The following MAPK8 variants were observed in gnomAD, a reference collection of about 807,000 sequenced individuals.
The protein encoded by MAPK8 is JUN N-terminal kinase.
Under a neutral mutation model 52.9 loss-of-function variants are expected in MAPK8, and 13 were observed. The ratio of observed to expected loss-of-function variants is 0.25; its 90% CI spans 0.16 to 0.39. The LOEUF (loss-of-function observed/expected upper bound fraction) is 0.39, where lower values mean the gene tolerates loss of function less well. MAPK8 is among the 10% of genes least tolerant of loss of function. The pLI, the probability that MAPK8 is intolerant of heterozygous loss-of-function variation, is 1.00. For synonymous variants in MAPK8, 191 were observed against 169.8 expected (o/e 1.12, Z -0.97); for missense variants, 300 against 519.2 (o/e 0.58, Z 4.10).
chr10:48,322,407 T>C (rs1843088299), intron 1 of MAPK8, among the ~76,000 whole-genome samples: 1 of 152,198 alleles, frequency 6.6e-6, no homozygotes, highest in African/African-American at 2.4e-5. Context: ...AATTTAAGGT[T>C]TGGGAATGAT....
At chr10:48,409,206 T>G (rs1454943383) in intron 3 of MAPK8, among the ~76,000 whole-genome samples, 3 of 152,132 alleles carry the variant, frequency 2.0e-5, no homozygotes, top group Non-Finnish European at 4.4e-5. Context: ...AAAAAGAGAT[T>G]GAAGGTCAGA....
At position 48,435,210 on chromosome 10, in the gene MAPK8, G is replaced by GT; in HGVS notation, c.*184dup. 1 of 474,396 alleles carries GT rather than the reference G, an allele frequency of 2.1e-6. No individual in the cohort carries two copies. Among genetic ancestry groups the GT allele is most frequent in the African/African-American group, 2.0e-5 (1 of 50,282 alleles). 29.4% of individuals were successfully genotyped at this position (474,396 alleles called of 1,614,324 possible). A position where few individuals can be genotyped will look rare whatever the true frequency, so the allele number is the denominator to read the frequency against. ...TGATGTAATTTAAAACCTAAGTTGT[G>GT]TTTCAAAACAGCAACAAAACTGTAT... is the stretch of plus-strand genomic sequence containing the variant. On this transcript the variant is annotated 3_prime_UTR_variant, in exon 12 of 12. Coordinates refer to ENST00000374189, the MANE Select transcript of MAPK8 (RefSeq NM_001323329.2).
chr10:48,434,847 C>T, intron 11 of MAPK8, 37 bp from the exon 12 acceptor site: 1 of 1,574,704 alleles, frequency 6.4e-7, no homozygotes, highest in Non-Finnish European at 8.6e-7. Flanking sequence ...CTGCAGCTGT[C>T]TGCAACTGAT....
intron 5 of MAPK8, among the ~76,000 whole-genome samples, chr10:48,415,757 T>G (rs1270371660): frequency 6.6e-6 from 1 of 152,188 alleles, no homozygotes; most frequent in Non-Finnish European, 1.5e-5. Flanking sequence ...CCAATTAGGA[T>G]ACACAATTAT....
intron 1 of MAPK8, among the ~76,000 whole-genome samples, chr10:48,316,500 C>T (rs2132110123): frequency 6.6e-6 from 1 of 152,318 alleles, no homozygotes; most frequent in East Asian, 1.9e-4. Flanking sequence ...ATGTGCTTAG[C>T]ACCCAGAGGC....
At position 48,420,269 on chromosome 10, in the gene MAPK8, C is replaced by G; in HGVS notation, c.565C>G (p.Arg189Gly). 6.2e-7 allele frequency: 1 copy of G among 1,613,654 alleles called. No individual in the cohort carries two copies. The highest frequency in any genetic ancestry group is 2.2e-5 in the East Asian group (1 of 44,886). Residue 189 changes from arginine to glycine, a missense_variant, in exon 6 of 12, where the codon CGC becomes GGC. This residue lies in a region of MAPK8 where 147 missense variants were observed against 328.1 expected (regional missense o/e 0.45). Transcript: ENST00000374189. ...SFMMTPYVVT[R>G]YYRAPEVILG... ...TATGATGACGCCTTATGTAGTGACT[C>G]GCTACTACAGAGCACCCGAGGTCAT...
At chr10:48,345,000 T>TA (rs1564509309) in intron 1 of MAPK8, among the ~76,000 whole-genome samples, 1 of 152,104 alleles carries the variant, frequency 6.6e-6, no homozygotes, top group Non-Finnish European at 1.5e-5. Context: ...AAAAGTTTTT[T>TA]AAAAAAATCC....
At chr10:48,324,409 A>G (rs1317002832) in intron 1 of MAPK8, among the ~76,000 whole-genome samples, 1 of 151,912 alleles carries the variant, frequency 6.6e-6, no homozygotes, top group Non-Finnish European at 1.5e-5. Flanking sequence ...GTCAACTTGT[A>G]ACTGCTTTTT....
chr10:48,433,093 T>G (rs2044480136), intron 11 of MAPK8, among the ~76,000 whole-genome samples: 1 of 152,196 alleles, frequency 6.6e-6, no homozygotes, highest in African/African-American at 2.4e-5. Context: ...GTATAGAGGC[T>G]CACTTAAGAG....
chr10:48,426,611 G>T, intron 9 of MAPK8, 107 bp downstream of exon 9: 1 of 1,009,274 alleles, frequency 9.9e-7, no homozygotes, highest in Non-Finnish European at 1.4e-6. Context: ...GTAGATACAT[G>T]ATGATGATGT....
At chr10:48,326,425 A>T (rs1039609817) in intron 1 of MAPK8, among the ~76,000 whole-genome samples, 7 of 152,070 alleles carry the variant, frequency 4.6e-5, no homozygotes, top group African/African-American at 1.7e-4. Flanking sequence ...GCACTGCAGG[A>T]TACTCCCAGC....
rs780629499 is a variant in MAPK8 at position 48,424,107 on chromosome 10, G to A, written c.636G>A (p.Gly212=). Residue 212 remains glycine, a synonymous_variant, in exon 7 of 12, where the codon GGG becomes GGA. Transcript: ENST00000374189. ...ATATAGTGGATTTATGGTCTGTGGG[G>A]TGCATTATGGGAGAAATGGTTTGCC... The part of the protein sequence containing the change: ...YKENVDLWSV[G]CIMGEMVCHK... The A allele has an allele frequency of 1.2e-6, 2 of 1,613,154 alleles. No individual in the cohort carries two copies. Among genetic ancestry groups the A allele is most frequent in the South Asian group, 2.2e-5 (2 of 91,028 alleles).
At chr10:48,361,081 A>G (rs1051387014) in intron 1 of MAPK8, among the ~76,000 whole-genome samples, 69 of 152,292 alleles carry the variant, frequency 4.5e-4, no homozygotes, top group African/African-American at 1.6e-3. Flanking sequence ...CAAAATCGAT[A>G]AAAAGAAAAA....
intron 1 of MAPK8, among the ~76,000 whole-genome samples, chr10:48,375,573 A>G (rs954298848): frequency 6.6e-6 from 1 of 152,216 alleles, no homozygotes; most frequent in Non-Finnish European, 1.5e-5. Flanking sequence ...AAAAATCACA[A>G]ACATTCCTAT....
At chr10:48,403,820 C>T (rs961608092) in intron 2 of MAPK8, among the ~76,000 whole-genome samples, 3 of 151,794 alleles carry the variant, frequency 2.0e-5, no homozygotes, top group African/African-American at 7.3e-5. Context: ...GTGATCTTGG[C>T]TCACTGCAAG....
At chr10:48,431,341 C>T (rs1309359002) in intron 11 of MAPK8, 71 bp downstream of exon 11, 6 of 918,632 alleles carry the variant, frequency 6.5e-6, no homozygotes, top group Non-Finnish European at 1.0e-5. Context: ...TGGCCTGAAA[C>T]CTGCAGTTCT....
chr10:48,345,589 A>G (rs1845691569), intron 1 of MAPK8, among the ~76,000 whole-genome samples: 1 of 152,206 alleles, frequency 6.6e-6, no homozygotes, highest in African/African-American at 2.4e-5. Context: ...TGCTTCCAAA[A>G]TGGGATAGAT....
At chr10:48,390,321 G>A (rs904877252) in intron 1 of MAPK8, among the ~76,000 whole-genome samples, 1 of 152,140 alleles carries the variant, frequency 6.6e-6, no homozygotes, top group African/African-American at 2.4e-5. Context: ...CCAGAATAAT[G>A]TTTAACCAAA....
At chr10:48,370,331 T>C (rs1177644312) in intron 1 of MAPK8, among the ~76,000 whole-genome samples, 2 of 152,156 alleles carry the variant, frequency 1.3e-5, no homozygotes, top group African/African-American at 2.4e-5. Context: ...ATTTTTTTTT[T>C]CACTAGCTTA....
Sources: gnomAD v4.1 joint callset for allele counts (sites outside exome capture counted in the v4.1 genomes callset) on GRCh38, gnomAD v4.1.1 for gene constraint, gnomAD v4.1.1 regional missense constraint, MANE v1.5 for transcripts, NCBI Gene and HGNC (gene_info 2026-07-23, HGNC 2026-07-21) for gene names.